The following NRG3 variants were observed in gnomAD, a reference collection of about 807,000 sequenced individuals.
The protein encoded by NRG3 is neuregulin 3.
A neutral mutation model predicts 66.9 loss-of-function variants in NRG3; 31 were observed. That is an observed-to-expected ratio of 0.46 (90% confidence interval 0.35 to 0.63). The LOEUF (loss-of-function observed/expected upper bound fraction) is 0.63, where lower values mean the gene tolerates loss of function less well. Ranked by LOEUF, NRG3 falls within the 20% of genes least tolerant of loss-of-function variation. The pLI is 0.00. For synonymous variants in NRG3, 393 were observed against 359.4 expected (o/e 1.09, Z -1.06); for missense variants, 910 against 878.9 (o/e 1.04, Z -0.45).
At chr10:82,063,533 A>C (rs17099306) in intron 1 of NRG3, among the ~76,000 whole-genome samples, 13,257 of 146,522 alleles carry the variant, frequency 0.09, 887 homozygotes, top group East Asian at 0.37. Flanking sequence ...TGTCAGATGA[A>C]ATGTTGCTTT....
At chr10:82,553,411 T>G (rs1258667347) in intron 2 of NRG3, among the ~76,000 whole-genome samples, 2 of 152,120 alleles carry the variant, frequency 1.3e-5, no homozygotes, top group Non-Finnish European at 2.9e-5. Context: ...CTCTTTTATA[T>G]CATATCCATC....
At chr10:81,972,016 G>C (rs6584425) in intron 1 of NRG3, among the ~76,000 whole-genome samples, 69,482 of 151,928 alleles carry the variant, frequency 0.46, 20,099 homozygotes, top group African/African-American at 0.78. Flanking sequence ...CACTCACACT[G>C]GGCCAGGGAT....
chr10:82,748,041 A>C (rs1250514524), intron 3 of NRG3, among the ~76,000 whole-genome samples: 1 of 151,130 alleles, frequency 6.6e-6, no homozygotes, highest in African/African-American at 2.4e-5. Flanking sequence ...GATGATTTAT[A>C]AATATAAATT....
At chr10:82,841,115 T>G (rs931550531) in intron 3 of NRG3, among the ~76,000 whole-genome samples, 1 of 152,004 alleles carries the variant, frequency 6.6e-6, no homozygotes. Flanking sequence ...GACTGAGGCA[T>G]GGACTGGAGT....
intron 2 of NRG3, among the ~76,000 whole-genome samples, chr10:82,424,971 T>C (rs2089327227): frequency 6.6e-6 from 1 of 152,100 alleles, no homozygotes; most frequent in Non-Finnish European, 1.5e-5. Flanking sequence ...ATTTCTAGAC[T>C]CTCAAATCTA....
At chr10:82,922,122 G>T (rs1347923378) in intron 4 of NRG3, among the ~76,000 whole-genome samples, 1 of 151,806 alleles carries the variant, frequency 6.6e-6, no homozygotes, top group Non-Finnish European at 1.5e-5. Flanking sequence ...TATATATATA[G>T]AGACTGGGGG....
chr10:82,341,698 C>A (rs2082699132), intron 1 of NRG3, among the ~76,000 whole-genome samples: 1 of 152,012 alleles, frequency 6.6e-6, no homozygotes, highest in Non-Finnish European at 1.5e-5. Context: ...GTACTCATCA[C>A]CCAAAAAGTG....
intron 1 of NRG3, among the ~76,000 whole-genome samples, chr10:82,354,274 CA>C (rs1361145681): frequency 6.6e-6 from 1 of 151,888 alleles, no homozygotes; most frequent in African/African-American, 2.4e-5. Flanking sequence ...CTCCTGGGTT[CA>C]AGTGATCCTC....
intron 1 of NRG3, among the ~76,000 whole-genome samples, chr10:82,064,363 A>AAT (rs1445156504): frequency 6.6e-6 from 1 of 151,564 alleles, no homozygotes; most frequent in Non-Finnish European, 1.5e-5. Context: ...TGAAATATCA[A>AAT]ATATATATAA....
At chr10:82,876,403 T>C (rs1324528843) in intron 4 of NRG3, among the ~76,000 whole-genome samples, 1 of 152,158 alleles carries the variant, frequency 6.6e-6, no homozygotes, top group East Asian at 1.9e-4. Flanking sequence ...AGACCAGCCA[T>C]GAGCAGAGCT....
At chr10:82,120,753 T>C (rs184724358) in intron 1 of NRG3, among the ~76,000 whole-genome samples, 60 of 151,130 alleles carry the variant, frequency 4.0e-4, no homozygotes, top group Admixed American at 2.9e-3. Context: ...GAAGGTTTGC[T>C]TGGCATTTCT....
chr10:82,346,205 C>T (rs1247853963), intron 1 of NRG3, among the ~76,000 whole-genome samples: 2 of 148,938 alleles, frequency 1.3e-5, no homozygotes, highest in African/African-American at 5.1e-5. Flanking sequence ...GTGGGTTTGT[C>T]ATAGATAGCT....
chr10:82,623,487 C>G (rs936124452), intron 2 of NRG3, among the ~76,000 whole-genome samples: 1 of 152,114 alleles, frequency 6.6e-6, no homozygotes, highest in Non-Finnish European at 1.5e-5. Context: ...CTCATTTATT[C>G]ATCCATCCCA....
intron 1 of NRG3, among the ~76,000 whole-genome samples, chr10:82,128,512 A>T (rs936000789): frequency 6.6e-6 from 1 of 152,026 alleles, no homozygotes; most frequent in African/African-American, 2.4e-5. Context: ...TTAGATTATG[A>T]TAAGGAAATG....
intron 1 of NRG3, among the ~76,000 whole-genome samples, chr10:82,077,090 A>G (rs2065132140): frequency 6.6e-6 from 1 of 152,226 alleles, no homozygotes; most frequent in African/African-American, 2.4e-5. Context: ...GCCATTTATA[A>G]TGGAAAACTA....
At chr10:82,567,497 A>G (rs1404338873) in intron 2 of NRG3, among the ~76,000 whole-genome samples, 1 of 152,030 alleles carries the variant, frequency 6.6e-6, no homozygotes, top group African/African-American at 2.4e-5. Flanking sequence ...ATCCCTAGAT[A>G]CATAAGAGCA....
rs372503529 is a variant in NRG3 at position 82,259,251 on chromosome 10, AT to A, written c.824-99487del. 5.0e-3 allele frequency among the ~76,000 whole-genome samples: 754 copies of A among 152,260 alleles called. 15 individuals carry two copies. The highest frequency in any genetic ancestry group is 0.035 in the Admixed American group (542 of 15,292). ...ACTTTCCATTTAAAACTGAAAATCA[AT>A]CCTTCTCAGGGCCTTTGTGTGTTTT... On this transcript the variant is annotated intron_variant, in intron 1 of 8. Coordinates refer to ENST00000372141, the MANE Select transcript of NRG3 (RefSeq NM_001010848.4).
At chr10:82,210,981 G>A (rs1436561002) in intron 1 of NRG3, among the ~76,000 whole-genome samples, 1 of 150,144 alleles carries the variant, frequency 6.7e-6, no homozygotes, top group Non-Finnish European at 1.5e-5. Flanking sequence ...TCATCATTTT[G>A]TACTTACAGA....
chr10:82,485,611 T>A lies in NRG3; in HGVS notation c.953+126743T>A, dbSNP rs1842621505. Among the ~76,000 whole-genome samples, 2 of 151,928 alleles carry A rather than the reference T, an allele frequency of 1.3e-5. 1 individual carries two copies. Among genetic ancestry groups the A allele is most frequent in the South Asian group, 4.2e-4 (2 of 4,804 alleles). ...GCAACTGGCAAAGAGCAAGATACCC[T>A]AAGTAAAATGTAACTGAGCACCAAA... On this transcript the variant is annotated intron_variant, in intron 2 of 8. Transcript: ENST00000372141.
Sources: gnomAD v4.1 joint callset for allele counts (sites outside exome capture counted in the v4.1 genomes callset) on GRCh38, gnomAD v4.1.1 for gene constraint, MANE v1.5 for transcripts, NCBI Gene and HGNC (gene_info 2026-07-23, HGNC 2026-07-21) for gene names.